The following GMEB2 variants were observed in gnomAD, a reference collection of about 807,000 sequenced individuals.
GMEB2 encodes the protein glucocorticoid modulatory element-binding protein 2.
GMEB2 carries 7 observed loss-of-function variants against 45.7 expected under a neutral mutation model. The observed-to-expected ratio is 0.15, with a 90% confidence interval of 0.09 to 0.29. GMEB2 has a LOEUF of 0.29. Ranked by LOEUF, GMEB2 falls within the 10% of genes least tolerant of loss-of-function variation. The pLI is 1.00. For synonymous variants in GMEB2, 322 were observed against 323.6 expected (o/e 1.00, Z 0.05); for missense variants, 582 against 739.2 (o/e 0.79, Z 2.47).
Position 63,603,100 on chromosome 20 carries a change from C to A in GMEB2, c.230-8G>T. The A allele has an allele frequency of 6.2e-7, 1 of 1,613,884 alleles. No homozygotes were observed. The highest frequency in any genetic ancestry group is 8.5e-7 in the Non-Finnish European group (1 of 1,179,828). ...CCTCTTCAGCCATCTTCACTTCTCACAGGCACATTGACAGGGAAGGGTAAA... is the reference window on the plus strand; with the variant it reads ...CCTCTTCAGCCATCTTCACTTCTCAAAGGCACATTGACAGGGAAGGGTAAA... On this transcript the variant is annotated splice_polypyrimidine_tract_variant and splice_region_variant and intron_variant, in intron 3 of 9. Coordinates refer to ENST00000370077, the MANE Select transcript of GMEB2 (RefSeq NM_012384.5).
chr20:63,620,679 C>T lies in GMEB2; in HGVS notation c.-57-1225G>A, dbSNP rs79784153. Reference sequence around the variant, plus strand: ...TGCACTGGAAAGTCTCTAAAATAAACTGGCCTAAGAACACAGACACAGGAA... The same window carrying T: ...TGCACTGGAAAGTCTCTAAAATAAATTGGCCTAAGAACACAGACACAGGAA... On this transcript the variant is annotated intron_variant, in intron 1 of 9. Coordinates refer to ENST00000370077, the MANE Select transcript of GMEB2 (RefSeq NM_012384.5). Among the ~76,000 whole-genome samples, 527 of 152,322 alleles carry T rather than the reference C, an allele frequency of 3.5e-3. 3 individuals carry two copies. The highest frequency in any genetic ancestry group is 0.012 in the African/African-American group (504 of 41,570).
At chr20:63,591,773 T>C (rs887520415) in intron 9 of GMEB2, among the ~76,000 whole-genome samples, 1 of 152,190 alleles carries the variant, frequency 6.6e-6, no homozygotes, top group African/African-American at 2.4e-5. Flanking sequence ...CCTCTGTCAT[T>C]TTCTCTTAAA....
At chr20:63,615,586 A>G (rs1257456039) in intron 2 of GMEB2, among the ~76,000 whole-genome samples, 8 of 152,180 alleles carry the variant, frequency 5.3e-5, no homozygotes, top group Non-Finnish European at 8.8e-5. Flanking sequence ...TCAGCCTCCC[A>G]AAGTGCTCAG....
chr20:63,605,952 C>G (rs903553062), intron 2 of GMEB2, among the ~76,000 whole-genome samples: 2 of 151,960 alleles, frequency 1.3e-5, no homozygotes, highest in African/African-American at 4.8e-5. Flanking sequence ...AAGACTCTGT[C>G]TCAGGGGAAA....
At position 63,592,957 on chromosome 20, in the gene GMEB2, G is replaced by A; in HGVS notation, c.691+54C>T. Reference sequence around the variant, plus strand: ...CCCTGTGTGGCCCGAGGTGGGCAGAGACTCCACCACCCCGCCAGGGCTTGT... The same window carrying A: ...CCCTGTGTGGCCCGAGGTGGGCAGAAACTCCACCACCCCGCCAGGGCTTGT... On this transcript the variant is annotated intron_variant, in intron 7 of 9. Transcript: ENST00000370077. This position sits in a 1 kb window ranked among gnomAD's most constrained non-coding sequence, Gnocchi z 8.2. 10 of 1,233,904 alleles carry A rather than the reference G, an allele frequency of 8.1e-6. No homozygotes were observed. Among genetic ancestry groups the A allele is most frequent in the African/African-American group, 1.5e-5 (1 of 67,832 alleles). 76.4% of individuals were successfully genotyped at this position (1,233,904 alleles called of 1,614,324 possible). A position where few individuals can be genotyped will look rare whatever the true frequency, so the allele number is the denominator to read the frequency against.
chr20:63,612,895 G>A (rs1056482325), intron 2 of GMEB2, among the ~76,000 whole-genome samples: 1 of 152,140 alleles, frequency 6.6e-6, no homozygotes, highest in Non-Finnish European at 1.5e-5. Context: ...CCAACCAACA[G>A]AATTAAAAAT....
intron 1 of GMEB2, among the ~76,000 whole-genome samples, chr20:63,625,758 C>T (rs1393057405): frequency 6.6e-6 from 1 of 151,874 alleles, no homozygotes. Context: ...CCACCACGCC[C>T]GGCTAACTTT....
chr20:63,597,480 C>T (rs897344534), intron 5 of GMEB2, among the ~76,000 whole-genome samples: 9 of 152,184 alleles, frequency 5.9e-5, no homozygotes, highest in East Asian at 1.9e-4. Context: ...TATTTTACAA[C>T]GCTGAAACAG....
At position 63,589,162 on chromosome 20, in the gene GMEB2, C is replaced by T. The variant is rs1400491467; in HGVS notation, c.*927G>A. On this transcript the variant is annotated 3_prime_UTR_variant, in exon 10 of 10. Coordinates refer to ENST00000370077, the MANE Select transcript of GMEB2 (RefSeq NM_012384.5). Reference sequence around the variant, plus strand: ...GTGACTGGTTCTGTTTATGCCTCTGCCCCAGGACTGAAGCCCTAGGGACAC... The same window carrying T: ...GTGACTGGTTCTGTTTATGCCTCTGTCCCAGGACTGAAGCCCTAGGGACAC... The T allele has an allele frequency of 2.5e-6, 1 of 399,090 alleles. No homozygotes were observed. The highest frequency in any genetic ancestry group is 4.4e-6 in the Non-Finnish European group (1 of 226,170). The allele number at this position is 399,090 out of a possible 1,614,324, so 24.7% of individuals were successfully genotyped here. A position where few individuals can be genotyped will look rare whatever the true frequency, so the allele number is the denominator to read the frequency against.
At chr20:63,616,897 T>G (rs2089612646) in intron 2 of GMEB2, among the ~76,000 whole-genome samples, 1 of 152,092 alleles carries the variant, frequency 6.6e-6, no homozygotes, top group East Asian at 1.9e-4. Flanking sequence ...TGACTGTATT[T>G]AAAGATGGGG....
intron 1 of GMEB2, among the ~76,000 whole-genome samples, chr20:63,624,187 C>G (rs1028188639): frequency 6.6e-6 from 1 of 150,486 alleles, no homozygotes; most frequent in African/African-American, 2.4e-5. Flanking sequence ...AAGGCCGAGG[C>G]GGGTGGATCA....
At chr20:63,606,171 G>A (rs977769194) in intron 2 of GMEB2, among the ~76,000 whole-genome samples, 1 of 152,028 alleles carries the variant, frequency 6.6e-6, no homozygotes, top group African/African-American at 2.4e-5. Context: ...GTAGACAAAA[G>A]GGTAAAAGAT....
intron 2 of GMEB2, 21 bp from the exon 3 acceptor site, chr20:63,604,861 G>A: frequency 7.1e-7 from 1 of 1,415,076 alleles, no homozygotes; most frequent in Non-Finnish European, 1.0e-6. Flanking sequence ...GAAGGGAGGA[G>A]AGAATAGAAT....
At position 63,593,378 on chromosome 20, in the gene GMEB2, G is replaced by A. The variant is rs2083166860; in HGVS notation, c.620-296C>T. 6.6e-6 allele frequency among the ~76,000 whole-genome samples: 1 copy of A among 151,750 alleles called. No individual in the cohort carries two copies. Among genetic ancestry groups the A allele is most frequent in the Non-Finnish European group, 1.5e-5 (1 of 67,964 alleles). On this transcript the variant is annotated intron_variant, in intron 6 of 9. Transcript: ENST00000370077. The surrounding 1 kb of genome is among the most constrained non-coding windows in gnomAD (Gnocchi z 4.7). Reference sequence around the variant, plus strand: ...CACTTTCCTCCTCTTGTCCATTTACGATTGTACTCAACAAGCACTTTCGAC... The same window carrying A: ...CACTTTCCTCCTCTTGTCCATTTACAATTGTACTCAACAAGCACTTTCGAC...
intron 1 of GMEB2, among the ~76,000 whole-genome samples, chr20:63,625,852 TC>T (rs1376122837): frequency 6.6e-6 from 1 of 152,164 alleles, no homozygotes; most frequent in Non-Finnish European, 1.5e-5. Flanking sequence ...CACGTCGGGC[TC>T]CCAAAGTGGT....
Position 63,617,517 on chromosome 20 carries a change from T to A in GMEB2, c.131+1750A>T, listed in dbSNP as rs78835202. 7.1e-3 allele frequency among the ~76,000 whole-genome samples: 1,074 copies of A among 151,018 alleles called. 10 individuals are homozygous for A. The highest frequency in any genetic ancestry group is 9.7e-3 in the Non-Finnish European group (658 of 67,494). ...ACTAAGACACACGCCATCTGGGGAG[T>A]CAGACCAGATCAGGAAGAAAGGCCT... On this transcript the variant is annotated intron_variant, in intron 2 of 9. Transcript: ENST00000370077.
chr20:63,609,073 A>C (rs1226584813), intron 2 of GMEB2, among the ~76,000 whole-genome samples: 15 of 91,548 alleles, frequency 1.6e-4, no homozygotes, highest in African/African-American at 3.6e-4. Flanking sequence ...CCCTGACCCC[A>C]CACCTCCATT....
chr20:63,606,638 C>T (rs949284185), intron 2 of GMEB2, among the ~76,000 whole-genome samples: 6 of 152,074 alleles, frequency 3.9e-5, no homozygotes, highest in Non-Finnish European at 5.9e-5. Flanking sequence ...TGAGCCACTG[C>T]GCCCAGCCAC....
chr20:63,611,194 G>A (rs760173839), intron 2 of GMEB2, among the ~76,000 whole-genome samples: 27 of 152,256 alleles, frequency 1.8e-4, no homozygotes, highest in Non-Finnish European at 3.7e-4. Context: ...CCGCCTCTGC[G>A]TGGGGAGAGG....
Sources: gnomAD v4.1 joint callset for allele counts (sites outside exome capture counted in the v4.1 genomes callset) on GRCh38, gnomAD v4.1.1 for gene constraint, Gnocchi (gnomAD v3.1) non-coding constraint, MANE v1.5 for transcripts, NCBI Gene and HGNC (gene_info 2026-07-23, HGNC 2026-07-21) for gene names.